The following CERS5 variants were observed in gnomAD, a reference collection of about 807,000 sequenced individuals.
CERS5 encodes the protein ceramide synthase 5.
In CERS5, 37 loss-of-function variants were observed where a neutral mutation model predicts 58.9. The observed-to-expected ratio is 0.63, with a 90% CI of 0.48 to 0.83. The LOEUF (loss-of-function observed/expected upper bound fraction) is 0.83, where lower values mean the gene tolerates loss of function less well. Ranked by LOEUF, CERS5 falls within the 40% of genes least tolerant of loss-of-function variation. The probability of loss-of-function intolerance (pLI) is 0.00; values close to 1 mark genes in which losing one functional copy is unlikely to be tolerated. For synonymous variants in CERS5, 147 were observed against 177.8 expected, an observed-to-expected ratio of 0.83 and a Z score of 1.38; for missense variants, 398 against 489.3, an observed-to-expected ratio of 0.81 and a Z score of 1.76.
At chr12:50,130,782 C>T in intron 9 of CERS5, 88 bp from the exon 10 acceptor site, 1 of 1,239,974 alleles carries the variant, frequency 8.1e-7, no homozygotes, top group Non-Finnish European at 1.1e-6. Flanking sequence ...CACTGTGTTC[C>T]CAGTCTGGTC....
intron 1 of CERS5, among the ~76,000 whole-genome samples, chr12:50,157,718 CAA>C (rs1037860061): frequency 2.7e-5 from 4 of 149,046 alleles, no homozygotes; most frequent in East Asian, 2.0e-4. Flanking sequence ...AGAAATTGTC[CAA>C]AAAAAAAGAG....
chr12:50,154,920 G>A (rs941504827), intron 1 of CERS5, among the ~76,000 whole-genome samples: 4 of 152,066 alleles, frequency 2.6e-5, no homozygotes, highest in African/African-American at 7.2e-5. Context: ...GTGCAGTGGC[G>A]CTATCTTGGC....
rs1016509039 is a variant in CERS5 at position 50,142,053 on chromosome 12, C to T, written c.492G>A (p.Ser164=). 3.2e-6 allele frequency: 5 copies of T among 1,586,176 alleles called. No homozygotes were observed. The highest frequency in any genetic ancestry group is 3.5e-6 in the Non-Finnish European group (4 of 1,155,184). ...AGGACTAGAGAAAGTTAAGACTCAC[C>T]GACCAGAGAAATCTAATTCCATAGC... The part of the protein sequence containing the change: ...IFCYGIRFLW[S]SPWFWDIRQC... The change falls in exon 4 of 10, where the codon TCG becomes TCA. Residue 164 remains serine (S), a splice_region_variant and synonymous_variant. Coordinates refer to ENST00000317551, the MANE Select transcript of CERS5 (RefSeq NM_147190.5).
chr12:50,150,392 T>C (rs933082534), intron 1 of CERS5, among the ~76,000 whole-genome samples: 3 of 151,928 alleles, frequency 2.0e-5, no homozygotes, highest in East Asian at 1.9e-4. Flanking sequence ...AAAAAAAAGT[T>C]TGGGAGTGAA....
intron 1 of CERS5, chr12:50,166,323 CAAA>C (rs59606341): frequency 0.33 from 41,632 of 126,912 alleles, 6,495 homozygotes; most frequent in East Asian, 0.64. Context: ...AACTCTGTCT[CAAA>C]AAAAAAAAAA....
rs1951816964 is a variant in CERS5 at position 50,138,689 on chromosome 12, CCCCTT to C, written c.493-77_493-73del. 2.3e-6 allele frequency: 3 copies of C among 1,330,366 alleles called. No individual in the cohort carries two copies. In the East Asian group the frequency reaches 6.9e-5, roughly 31 times the overall value. 82.4% of individuals were successfully genotyped at this position (1,330,366 alleles called of 1,614,324 possible). On this transcript the variant is annotated intron_variant, in intron 4 of 9. Coordinates refer to ENST00000317551, the MANE Select transcript of CERS5 (RefSeq NM_147190.5). The stretch of plus-strand genomic sequence containing the variant: ...GGCTTCAAGATCTACCTCATATAAT[CCCCTT>C]CTCTCTAGGCTGGGGCAAAAGAGGA...
At position 50,130,703 on chromosome 12, in the gene CERS5, G is replaced by A. The variant is rs777690141; in HGVS notation, c.1030-9C>T. ...CGATCATCCTTCGATACCTGGGTGG[G>A]ATGAGACCAAAGACAGAAAAGTGAG... On this transcript the variant is annotated splice_polypyrimidine_tract_variant and intron_variant, in intron 9 of 9. Coordinates refer to ENST00000317551, the MANE Select transcript of CERS5 (RefSeq NM_147190.5). 1.8e-5 allele frequency: 29 copies of A among 1,574,082 alleles called. No homozygotes were observed. Among genetic ancestry groups the A allele is most frequent in the Non-Finnish European group, 2.3e-5 (26 of 1,149,886 alleles).
chr12:50,130,774 C>G (rs1461022248), intron 9 of CERS5, 80 bp from the exon 10 acceptor site: 42 of 1,337,922 alleles, frequency 3.1e-5, no homozygotes, highest in Middle Eastern at 2.0e-4. Flanking sequence ...GGTGTGGGCA[C>G]TGTGTTCCCA....
chr12:50,149,396 T>C (rs1937688818), intron 1 of CERS5, among the ~76,000 whole-genome samples: 1 of 152,182 alleles, frequency 6.6e-6, no homozygotes, highest in Admixed American at 6.5e-5. Flanking sequence ...CACTCTGCCC[T>C]TTTCCTGCTC....
chr12:50,156,697 T>C (rs189355237), intron 1 of CERS5, among the ~76,000 whole-genome samples: 210 of 152,216 alleles, frequency 1.4e-3, no homozygotes, highest in Non-Finnish European at 2.5e-3. Context: ...TTTTTTAAAA[T>C]ATAAAGGAGT....
In CERS5 at chr12:50,130,636, G is replaced by A; in HGVS notation, c.1088C>T (p.Thr363Ile). 1.9e-6 allele frequency: 3 copies of A among 1,612,370 alleles called. No individual in the cohort carries two copies. Among genetic ancestry groups the A allele is most frequent in the Non-Finnish European group, 2.5e-6 (3 of 1,178,552 alleles). The change falls in exon 10 of 10, where the codon ACC becomes ATC. Residue 363 changes from threonine (T) to isoleucine (I), a missense_variant. Thr to Ile is a moderately conservative substitution (Grantham distance 89). Transcript: ENST00000317551. The part of the protein sequence containing the change: ...ESSSEEEDVT[T>I]CTKSPCDSSS... The stretch of plus-strand genomic sequence containing the variant: ...ACTGTCACAGGGACTTTTTGTGCAG[G>A]TGGTCACATCTTCTTCCTCTGAGCT...
intron 1 of CERS5, among the ~76,000 whole-genome samples, chr12:50,149,108 G>T (rs1014552213): frequency 3.3e-5 from 5 of 151,440 alleles, no homozygotes; most frequent in African/African-American, 1.2e-4. Context: ...AATTTTTTAA[G>T]ATTGTAAAGG....
Position 50,167,086 on chromosome 12 carries a change from C to T in CERS5, c.197+15G>A. The T allele has an allele frequency of 6.6e-7, 1 of 1,519,054 alleles. No individual in the cohort carries two copies. Among genetic ancestry groups the T allele is most frequent in the Non-Finnish European group, 8.8e-7 (1 of 1,138,590 alleles). 94.1% of individuals were successfully genotyped at this position (1,519,054 alleles called of 1,614,324 possible). ...CCGCGCCCGGCCCCCGAGCCGCTCGCTCCCGGGCTCTCACCGCTCGAAGAG... is the reference window on the plus strand; with the variant it reads ...CCGCGCCCGGCCCCCGAGCCGCTCGTTCCCGGGCTCTCACCGCTCGAAGAG... On this transcript the variant is annotated intron_variant, in intron 1 of 9. Coordinates refer to ENST00000317551, the MANE Select transcript of CERS5 (RefSeq NM_147190.5).
intron 4 of CERS5, among the ~76,000 whole-genome samples, chr12:50,140,839 ATTTTTT>A (rs200589306): frequency 7.4e-6 from 1 of 134,896 alleles, no homozygotes. Context: ...ACCCTTAGTG[ATTTTTT>A]TTTTTTTTTT....
At chr12:50,138,135 A>G (rs982998136) in intron 5 of CERS5, among the ~76,000 whole-genome samples, 21 of 152,200 alleles carry the variant, frequency 1.4e-4, no homozygotes, top group African/African-American at 4.6e-4. Context: ...TTAAATACAC[A>G]TAGGCCTTCT....
At chr12:50,134,371 C>G (rs757747155) in intron 9 of CERS5, 175 bp downstream of exon 9, 19 of 1,533,586 alleles carry the variant, frequency 1.2e-5, no homozygotes, top group Admixed American at 2.0e-5. Context: ...AAGACCTTGT[C>G]TCTAAAATAA....
Position 50,144,039 on chromosome 12 carries a change from A to G in CERS5, c.216T>C (p.Cys72=). The change falls in exon 2 of 10, where the codon TGT becomes TGC. Residue 72 remains cysteine (C), a synonymous_variant. Coordinates refer to ENST00000317551, the MANE Select transcript of CERS5 (RefSeq NM_147190.5). ...LLFERFIAKP[C]ALCIGIEDSG... is the part of the protein sequence containing the mutation. ...TGTCCTCGATGCCAATACAGAGTGC[A>G]CAGGGTTTGGCAATAAATCTGTAAT... The G allele has an allele frequency of 3.7e-6, 6 of 1,610,414 alleles. No individual in the cohort carries two copies. Among genetic ancestry groups the G allele is most frequent in the Non-Finnish European group, 5.1e-6 (6 of 1,176,678 alleles).
chr12:50,135,840 T>C lies in CERS5; in HGVS notation c.766-2A>G. 6.2e-7 allele frequency: 1 copy of C among 1,612,202 alleles called. No homozygotes were observed. The highest frequency in any genetic ancestry group is 8.5e-7 in the Non-Finnish European group (1 of 1,179,152). ...GGCATAATTGGCCAGTTTGGCTGCCTGGAGAAAGGAAGAAAGAATTGAGCT... is the reference window on the plus strand; with the variant it reads ...GGCATAATTGGCCAGTTTGGCTGCCCGGAGAAAGGAAGAAAGAATTGAGCT... On this transcript the variant is annotated splice_acceptor_variant, in intron 7 of 9. Transcript: ENST00000317551. LOFTEE classifies it high-confidence loss of function.
intron 1 of CERS5, among the ~76,000 whole-genome samples, chr12:50,158,917 G>GA (rs1444775374): frequency 6.6e-6 from 1 of 152,076 alleles, no homozygotes; most frequent in African/African-American, 2.4e-5. Flanking sequence ...AGTTCTGCAT[G>GA]GACATTTACC....
Sources: gnomAD v4.1 joint callset for allele counts (sites outside exome capture counted in the v4.1 genomes callset) on GRCh38, gnomAD v4.1.1 for gene constraint, MANE v1.5 for transcripts, NCBI Gene and HGNC (gene_info 2026-07-23, HGNC 2026-07-21) for gene names.